Variants in AGBL4 observed in about 807,000 individuals in gnomAD.
AGBL4 encodes AGBL carboxypeptidase 4.
A neutral mutation model predicts 66.4 loss-of-function variants in AGBL4; 58 were observed. The ratio of observed to expected loss-of-function variants is 0.87; its 90% CI spans 0.71 to 1.09. The LOEUF (loss-of-function observed/expected upper bound fraction) is 1.09, where lower values mean the gene tolerates loss of function less well. Ranked by LOEUF, AGBL4 falls within the 50% of genes least tolerant of loss-of-function variation. The probability of loss-of-function intolerance (pLI) is 0.00; values close to 1 mark genes in which losing one functional copy is unlikely to be tolerated. For synonymous variants in AGBL4, 234 were observed against 222.9 expected (o/e 1.05, Z -0.44); for missense variants, 579 against 631.0 (o/e 0.92, Z 0.88).
chr1:49,598,461 G>A lies in AGBL4; in HGVS notation c.282+98852C>T, dbSNP rs1442570423. 2.6e-5 allele frequency among the ~76,000 whole-genome samples: 4 copies of A among 152,284 alleles called. No individual in the cohort carries two copies. The East Asian group carries it at 7.7e-4, about 29-fold the overall frequency. On this transcript the variant is annotated intron_variant, in intron 3 of 13. Transcript: ENST00000371839. The stretch of plus-strand genomic sequence containing the variant: ...CAGGACCTTCAGCTGCAGGTCTGTT[G>A]GAGTTTGCTAGAGGTCCACTCCAGA...
At chr1:49,421,292 T>C (rs1283488725) in intron 3 of AGBL4, among the ~76,000 whole-genome samples, 1 of 151,350 alleles carries the variant, frequency 6.6e-6, no homozygotes, top group East Asian at 2.0e-4. Flanking sequence ...CACACAGTAG[T>C]CTCCCTGAGG....
intron 1 of AGBL4, among the ~76,000 whole-genome samples, chr1:49,894,732 A>G (rs1398030114): frequency 6.6e-6 from 1 of 152,188 alleles, no homozygotes; most frequent in Middle Eastern, 3.2e-3. Flanking sequence ...ATACAAAAGA[A>G]AAAAGAATAA....
At chr1:49,619,858 C>G (rs572099668) in intron 3 of AGBL4, among the ~76,000 whole-genome samples, 1 of 152,264 alleles carries the variant, frequency 6.6e-6, no homozygotes, top group East Asian at 1.9e-4. Context: ...CTGACAAAAA[C>G]AAGCAATGGG....
chr1:49,283,220 C>T (rs950152568), intron 3 of AGBL4, among the ~76,000 whole-genome samples: 1 of 152,168 alleles, frequency 6.6e-6, no homozygotes, highest in Non-Finnish European at 1.5e-5. Context: ...ACCCCTGACC[C>T]CCGAGCAGCC....
At position 49,942,333 on chromosome 1, in the gene AGBL4, A is replaced by G. The variant is rs555646511; in HGVS notation, c.34+81430T>C. On this transcript the variant is annotated intron_variant, in intron 1 of 13. Transcript: ENST00000371839. ...GACATTTTTCACAAGAATAGAAAAA[A>G]CAATCCTAAAATTCTTATGGAACCA... Among the ~76,000 whole-genome samples the G allele has an allele frequency of 5.3e-5, 8 of 152,266 alleles. No homozygotes were observed. The South Asian group carries it at 1.7e-3, about 32-fold the overall frequency.
intron 6 of AGBL4, among the ~76,000 whole-genome samples, chr1:48,723,033 A>C (rs1374343133): frequency 7.2e-5 from 11 of 152,204 alleles, no homozygotes; most frequent in Admixed American, 7.2e-4. Context: ...GTTTAAGGTC[A>C]CACACCAAGT....
chr1:48,568,704 T>C (rs1483007739), intron 11 of AGBL4, among the ~76,000 whole-genome samples: 2 of 152,200 alleles, frequency 1.3e-5, no homozygotes, highest in East Asian at 3.9e-4. Flanking sequence ...GTCATGTCTC[T>C]GGGCATTGGC....
chr1:48,850,941 C>A (rs983843031), intron 6 of AGBL4, among the ~76,000 whole-genome samples: 2 of 152,278 alleles, frequency 1.3e-5, no homozygotes, highest in Non-Finnish European at 2.9e-5. Context: ...ATAGACAAAT[C>A]TTTTTATTTC....
chr1:49,837,159 G>A (rs569722345), intron 2 of AGBL4, among the ~76,000 whole-genome samples: 2 of 152,170 alleles, frequency 1.3e-5, no homozygotes, highest in African/African-American at 4.8e-5. Context: ...GCCCACAGCC[G>A]CCCCTTCCCC....
At chr1:49,163,678 C>CT (rs1646580612) in intron 4 of AGBL4, among the ~76,000 whole-genome samples, 1 of 152,064 alleles carries the variant, frequency 6.6e-6, no homozygotes, top group African/African-American at 2.4e-5. Context: ...AAATCAATCA[C>CT]ACATTATAAC....
At chr1:49,122,461 A>G (rs1403697133) in intron 4 of AGBL4, among the ~76,000 whole-genome samples, 4 of 152,228 alleles carry the variant, frequency 2.6e-5, no homozygotes, top group Non-Finnish European at 4.4e-5. Context: ...AAAATGCTGC[A>G]GGCCACATGA....
intron 8 of AGBL4, among the ~76,000 whole-genome samples, chr1:48,641,968 G>A (rs1051710218): frequency 2.0e-5 from 3 of 151,998 alleles, no homozygotes; most frequent in East Asian, 1.9e-4. Context: ...GTTCCTTTAC[G>A]CAAACTGACG....
chr1:48,555,204 T>C (rs1343595951), intron 11 of AGBL4, among the ~76,000 whole-genome samples: 4 of 151,542 alleles, frequency 2.6e-5, no homozygotes, highest in Non-Finnish European at 5.9e-5. Flanking sequence ...TTTTTTTTCC[T>C]GAGATAACTC....
rs982195682 is a variant in AGBL4 at position 49,622,264 on chromosome 1, A to T, written c.282+75049T>A. Among the ~76,000 whole-genome samples the T allele has an allele frequency of 2.6e-5, 4 of 152,170 alleles. No individual in the cohort carries two copies. The South Asian group carries it at 6.2e-4, about 24-fold the overall frequency. ...AGCATCAAAAAGACCTTGGCTATGG[A>T]GTTATTAGGTGTAAGAATTTTGATA... On this transcript the variant is annotated intron_variant, in intron 3 of 13. Coordinates refer to ENST00000371839, the MANE Select transcript of AGBL4 (RefSeq NM_032785.4).
chr1:49,737,888 A>G (rs914219820), intron 2 of AGBL4, among the ~76,000 whole-genome samples: 1 of 152,250 alleles, frequency 6.6e-6, no homozygotes, highest in African/African-American at 2.4e-5. Flanking sequence ...AGCTCCCAGC[A>G]TGAGCAACAC....
chr1:49,391,553 T>C (rs969600638), intron 3 of AGBL4, among the ~76,000 whole-genome samples: 1 of 117,716 alleles, frequency 8.5e-6, no homozygotes, highest in Non-Finnish European at 1.6e-5. Context: ...ACCATGAGTT[T>C]TTTTTTTTTG....
intron 4 of AGBL4, among the ~76,000 whole-genome samples, chr1:49,194,615 CAG>C (rs1476934323): frequency 1.4e-4 from 21 of 151,834 alleles, no homozygotes; most frequent in African/African-American, 4.8e-4. Context: ...TTTCTAGACA[CAG>C]AGTCTTGCTC....
chr1:49,061,273 T>A (rs568398457), intron 4 of AGBL4, among the ~76,000 whole-genome samples: 1 of 151,884 alleles, frequency 6.6e-6, no homozygotes, highest in Admixed American at 6.5e-5. Context: ...ATAAAGGAAA[T>A]CAGGAGTGAG....
At chr1:49,727,295 C>A (rs186557961) in intron 2 of AGBL4, among the ~76,000 whole-genome samples, 2 of 152,042 alleles carry the variant, frequency 1.3e-5, no homozygotes, top group East Asian at 3.9e-4. Context: ...ATTCAAATGG[C>A]AATATTCAAT....
Sources: allele counts gnomAD v4.1 joint callset (sites outside exome capture counted in the v4.1 genomes callset), GRCh38; gene constraint gnomAD v4.1.1; transcripts MANE v1.5; gene names NCBI Gene and HGNC (gene_info 2026-07-23, HGNC 2026-07-21).